Variants in GLCCI1 observed in about 807,000 individuals in gnomAD.
The protein encoded by GLCCI1 is glucocorticoid-induced transcript 1 protein.
A neutral mutation model predicts 52.2 loss-of-function variants in GLCCI1; 24 were observed. The ratio of observed to expected loss-of-function variants is 0.46; its 90% CI spans 0.33 to 0.65. The LOEUF (loss-of-function observed/expected upper bound fraction) is 0.65, where lower values mean the gene tolerates loss of function less well. Ranked by LOEUF, GLCCI1 falls within the 30% of genes least tolerant of loss-of-function variation. The pLI is 0.02. For synonymous variants in GLCCI1, 310 were observed against 276.5 expected, an observed-to-expected ratio of 1.12 and a Z score of -1.20; for missense variants, 704 against 701.5, an observed-to-expected ratio of 1.00 and a Z score of -0.04.
chr7:8,083,654 C>CATT (rs1474576301), intron 6 of GLCCI1, among the ~76,000 whole-genome samples: 1 of 136,106 alleles, frequency 7.3e-6, no homozygotes, highest in Admixed American at 8.0e-5. Flanking sequence ...TAGGATCATA[C>CATT]ATAATAATGA....
intron 6 of GLCCI1, among the ~76,000 whole-genome samples, chr7:8,072,001 G>A (rs1289276665): frequency 1.3e-5 from 2 of 152,082 alleles, no homozygotes; most frequent in Admixed American, 6.6e-5. Context: ...TAAGTAAAAT[G>A]CCCAGATCAT....
chr7:8,051,738 C>T (rs144270558), intron 3 of GLCCI1, among the ~76,000 whole-genome samples: 9 of 152,260 alleles, frequency 5.9e-5, no homozygotes, highest in Admixed American at 2.0e-4. Flanking sequence ...TGATGTTGAG[C>T]ACCTTTTTTA....
intron 6 of GLCCI1, chr7:8,084,609 T>G: frequency 4.0e-6 from 1 of 250,130 alleles, no homozygotes; most frequent in Non-Finnish European, 7.7e-6. Context: ...AAATACGTAA[T>G]AAATAACATA....
rs1783131798 is a variant in GLCCI1 at position 8,087,030 on chromosome 7, A to G, written c.*492A>G. 6.5e-6 allele frequency: 1 copy of G among 152,862 alleles called. No homozygotes were observed. The highest frequency in any genetic ancestry group is 2.4e-5 in the African/African-American group (1 of 41,316). 9.5% of individuals were successfully genotyped at this position (152,862 alleles called of 1,614,324 possible). A position where few individuals can be genotyped will look rare whatever the true frequency, so the allele number is the denominator to read the frequency against. ...ACAACAGTTGCACAGTGCCCACCCT[A>G]TGGCCTAGCTTCAGGTACTTCAGTT... On this transcript the variant is annotated 3_prime_UTR_variant, in exon 8 of 8. Transcript: ENST00000223145.
At position 8,003,980 on chromosome 7, in the gene GLCCI1, C is replaced by G. The variant is rs761835348; in HGVS notation, c.530C>G (p.Thr177Arg). The change falls in exon 2 of 8, where the codon ACA (threonine) becomes AGA (arginine). Residue 177 changes from threonine to arginine, a missense_variant. This residue lies in a region of GLCCI1 where 547 missense variants were observed against 524.8 expected (regional missense o/e 1.04). Coordinates refer to ENST00000223145, the MANE Select transcript of GLCCI1 (RefSeq NM_138426.4). ...IRRTSSLDTI[T>R]GPYLTGQWPR... The stretch of plus-strand genomic sequence containing the variant: ...CGAACCTCCTCTTTGGATACAATAA[C>G]AGGACCTTACCTCACAGGACAGTGG... 1.9e-6 allele frequency: 3 copies of G among 1,613,788 alleles called. No individual in the cohort carries two copies. Among genetic ancestry groups the G allele is most frequent in the South Asian group, 1.1e-5 (1 of 91,068 alleles).
chr7:8,036,746 G>C (rs1351342066), intron 3 of GLCCI1, among the ~76,000 whole-genome samples: 2 of 152,104 alleles, frequency 1.3e-5, no homozygotes, highest in African/African-American at 2.4e-5. Flanking sequence ...TTCATTGAAT[G>C]AATTACAAAA....
chr7:7,992,107 T>TCTG (rs1780853040), intron 1 of GLCCI1, among the ~76,000 whole-genome samples: 1 of 141,310 alleles, frequency 7.1e-6, no homozygotes, highest in Admixed American at 7.3e-5. Context: ...TTCTGTCTGT[T>TCTG]TCTCTCTCTC....
intron 2 of GLCCI1, among the ~76,000 whole-genome samples, chr7:8,015,798 A>T (rs1283368506): frequency 1.3e-5 from 2 of 152,250 alleles, no homozygotes; most frequent in African/African-American, 4.8e-5. Flanking sequence ...TAATTTTAAT[A>T]CGTTATGTGT....
intron 5 of GLCCI1, among the ~76,000 whole-genome samples, chr7:8,064,907 G>A (rs1340216181): frequency 2.0e-5 from 3 of 151,906 alleles, no homozygotes; most frequent in African/African-American, 4.8e-5. Flanking sequence ...TAGTAGAGAC[G>A]GGGTTTCACT....
At chr7:8,012,005 C>T (rs1258248422) in intron 2 of GLCCI1, among the ~76,000 whole-genome samples, 2 of 151,746 alleles carry the variant, frequency 1.3e-5, no homozygotes, top group African/African-American at 2.4e-5. Context: ...TTAGTAGAGA[C>T]GGGGTTTCAC....
At chr7:7,984,832 T>A (rs1780691161) in intron 1 of GLCCI1, among the ~76,000 whole-genome samples, 1 of 152,270 alleles carries the variant, frequency 6.6e-6, no homozygotes, top group Non-Finnish European at 1.5e-5. Flanking sequence ...TTCTGAGGAA[T>A]GTGGTATTCA....
chr7:8,055,411 T>C, intron 3 of GLCCI1, 22 bp from the exon 4 acceptor site: 2 of 1,488,112 alleles, frequency 1.3e-6, no homozygotes, highest in South Asian at 1.1e-5. Context: ...CTCTTCTTAC[T>C]TCTCTTTCCC....
rs993158172 is a variant in GLCCI1, at chr7:8,003,839, T to A, written c.458-69T>A. ...ATTGACAGGATGACATTCTACAAAC[T>A]ATGAAGTTAGATAACTTTAAATTTT... On this transcript the variant is annotated intron_variant, in intron 1 of 7. Coordinates refer to ENST00000223145, the MANE Select transcript of GLCCI1 (RefSeq NM_138426.4). 5 of 1,385,336 alleles carry A rather than the reference T, an allele frequency of 3.6e-6. No individual in the cohort carries two copies. In the African/African-American group the frequency reaches 4.3e-5, roughly 12 times the overall value. 85.8% of individuals were successfully genotyped at this position (1,385,336 alleles called of 1,614,324 possible). A position where few individuals can be genotyped will look rare whatever the true frequency, so the allele number is the denominator to read the frequency against.
intron 1 of GLCCI1, among the ~76,000 whole-genome samples, chr7:7,988,276 GTTTTTT>G (rs555170651): frequency 9.7e-4 from 147 of 151,362 alleles, no homozygotes; most frequent in African/African-American, 3.3e-3. Context: ...GATGAGCAGA[GTTTTTT>G]GTTTTGTTTT....
rs1239456371 is a variant in GLCCI1 at position 7,977,165 on chromosome 7, G to A, written c.457+7358G>A. ...GCTTTCTGATGAAACATTTTCTAAC[G>A]TCATTACACACTTGATTGTTAAGCA... On this transcript the variant is annotated intron_variant, in intron 1 of 7. Transcript: ENST00000223145. 3.9e-5 allele frequency among the ~76,000 whole-genome samples: 6 copies of A among 152,008 alleles called. No individual in the cohort carries two copies. In the South Asian group the frequency reaches 8.3e-4, roughly 21 times the overall value.
At chr7:7,970,865 G>A (rs1465129069) in intron 1 of GLCCI1, among the ~76,000 whole-genome samples, 1 of 152,004 alleles carries the variant, frequency 6.6e-6, no homozygotes, top group Non-Finnish European at 1.5e-5. Flanking sequence ...GATCATACTG[G>A]GTGGAAAAAT....
chr7:8,079,158 A>G (rs1243139555), intron 6 of GLCCI1, among the ~76,000 whole-genome samples: 1 of 151,976 alleles, frequency 6.6e-6, no homozygotes. Flanking sequence ...TAAAAGGTAA[A>G]TATGTATAAT....
chr7:8,062,663 TTGTATC>T (rs1161588003), intron 5 of GLCCI1, among the ~76,000 whole-genome samples: 1 of 152,212 alleles, frequency 6.6e-6, no homozygotes, highest in Non-Finnish European at 1.5e-5. Flanking sequence ...GTTCCCTTCT[TTGTATC>T]TGTATGTACT....
intron 3 of GLCCI1, 143 bp downstream of exon 3, chr7:8,022,712 A>T (rs891845718): frequency 2.9e-5 from 10 of 348,978 alleles, no homozygotes; most frequent in Non-Finnish European, 5.1e-5. Flanking sequence ...GGGTAAGGTT[A>T]GAATAAATTC....
Sources: allele counts gnomAD v4.1 joint callset (sites outside exome capture counted in the v4.1 genomes callset), GRCh38; gene constraint gnomAD v4.1.1; regional missense constraint gnomAD v4.1.1; transcripts MANE v1.5; gene names NCBI Gene and HGNC (gene_info 2026-07-23, HGNC 2026-07-21).